Variants in CHD5 observed in about 807,000 individuals in gnomAD.
The protein encoded by CHD5 is chromodomain helicase DNA binding protein 5.
CHD5 carries 69 observed loss-of-function variants against 230.3 expected under a neutral mutation model. That is an observed-to-expected ratio of 0.30 (90% confidence interval 0.25 to 0.37). The LOEUF is 0.37. Among genes scored for constraint, CHD5 ranks in the 10% least tolerant of loss-of-function variants. The pLI is 1.00. For missense variants in CHD5, 1,827 were observed against 2,622.8 expected (o/e 0.70, Z 6.63); for synonymous variants, 1,064 against 1,065.9 (o/e 1.00, Z 0.03).
At position 6,130,444 on chromosome 1, in the gene CHD5, A is replaced by T. The variant is rs1666636838; in HGVS notation, c.3263-116T>A. The T allele has an allele frequency of 4.0e-6, 4 of 1,002,594 alleles. No homozygotes were observed. Among genetic ancestry groups the T allele is most frequent in the Non-Finnish European group, 5.9e-6 (4 of 682,906 alleles). The allele number at this position is 1,002,594 out of a possible 1,614,324, so 62.1% of individuals were successfully genotyped here. ...TGCAGCAACAGATCCCTGGCAGAGA[A>T]GGACAAAGCCGGAGACCCCATCAGA... On this transcript the variant is annotated intron_variant, in intron 21 of 41. Transcript: ENST00000262450. This position sits in a 1 kb window ranked among gnomAD's most constrained non-coding sequence, Gnocchi z 4.9.
At position 6,167,783 on chromosome 1, in the gene CHD5, C is replaced by T. The variant is rs906125715; in HGVS notation, c.207+367G>A. Among the ~76,000 whole-genome samples, 2 of 152,090 alleles carry T rather than the reference C, an allele frequency of 1.3e-5. No individual in the cohort carries two copies. The highest frequency in any genetic ancestry group is 4.8e-5 in the African/African-American group (2 of 41,404). On this transcript the variant is annotated intron_variant, in intron 2 of 41. Transcript: ENST00000262450. This position sits in a 1 kb window ranked among gnomAD's most constrained non-coding sequence, Gnocchi z 4.5. Reference sequence around the variant, plus strand: ...GGGGCCTTGCTTCTCTTCTCCAACTCACTTCATCAGGTTTCAGTTTAGAGG... The same window carrying T: ...GGGGCCTTGCTTCTCTTCTCCAACTTACTTCATCAGGTTTCAGTTTAGAGG...
chr1:6,109,548 G>A lies in CHD5; in HGVS notation c.5578+247C>T, dbSNP rs138140466. On this transcript the variant is annotated intron_variant, in intron 38 of 41. Transcript: ENST00000262450. ...TCGTGGTTTTCTGTGTCACTAGCCCGGGCCGGGGCCCGCACAGAGCAGGCT... is the reference window on the plus strand; with the variant it reads ...TCGTGGTTTTCTGTGTCACTAGCCCAGGCCGGGGCCCGCACAGAGCAGGCT... 2.3e-3 allele frequency among the ~76,000 whole-genome samples: 351 copies of A among 152,314 alleles called. 6 individuals carry two copies. Among genetic ancestry groups the A allele is most frequent in the African/African-American group, 8.2e-3 (341 of 41,566 alleles).
intron 9 of CHD5, among the ~76,000 whole-genome samples, chr1:6,147,285 A>G (rs1477487380): frequency 6.6e-6 from 1 of 152,066 alleles, no homozygotes; most frequent in Non-Finnish European, 1.5e-5. Flanking sequence ...AGGTCACATC[A>G]CTGTGTGATC....
In CHD5 at chr1:6,144,251, C is replaced by G. The variant is rs1666876212; in HGVS notation, c.1803-96G>C. 10 of 1,543,770 alleles carry G rather than the reference C, an allele frequency of 6.5e-6. No individual in the cohort carries two copies. The South Asian group carries it at 1.2e-4, about 18-fold the overall frequency. On this transcript the variant is annotated intron_variant, in intron 11 of 41. Transcript: ENST00000262450. Reference sequence around the variant, plus strand: ...CCCAGGATGCAGAGCCATTCACACCCAGGGTCCCCTCGGATGCTGGGCCCA... The same window carrying G: ...CCCAGGATGCAGAGCCATTCACACCGAGGGTCCCCTCGGATGCTGGGCCCA...
At chr1:6,119,491 C>A (rs766230137) in intron 33 of CHD5, among the ~76,000 whole-genome samples, 9 of 152,124 alleles carry the variant, frequency 5.9e-5, no homozygotes, top group Non-Finnish European at 1.2e-4. Flanking sequence ...ATATTAAAAA[C>A]CTGAACAAAT....
rs981630159 is a variant in CHD5, at chr1:6,129,352, C to CG, written c.3388-284dup. On this transcript the variant is annotated intron_variant, in intron 22 of 41. Coordinates refer to ENST00000262450, the MANE Select transcript of CHD5 (RefSeq NM_015557.3). The surrounding 1 kb of genome is among the most constrained non-coding windows in gnomAD (Gnocchi z 6.8). ...GTGCAAGAGTGTGTGAGGGATGATA[C>CG]GGCCAGTGTGCTGGGTGTAACTGAA... Among the ~76,000 whole-genome samples, 30 of 152,246 alleles carry CG rather than the reference C, an allele frequency of 2.0e-4. No individual in the cohort carries two copies. Among genetic ancestry groups the CG allele is most frequent in the Admixed American group, 2.0e-3 (30 of 15,300 alleles).
chr1:6,106,644 T>C lies in CHD5; in HGVS notation c.5714A>G (p.Asn1905Ser), dbSNP rs1666173576. 1.9e-6 allele frequency: 3 copies of C among 1,599,796 alleles called. No homozygotes were observed. Among genetic ancestry groups the C allele is most frequent in the Non-Finnish European group, 2.6e-6 (3 of 1,173,714 alleles). Residue 1905 changes from asparagine (N) to serine (S), a missense_variant, in exon 39 of 42, where the codon AAC becomes AGC. Asn to Ser is a conservative substitution (Grantham distance 46). Transcript: ENST00000262450. ...CTGGATGGTGGGGTCCCCGGCGCGG[T>C]TGGTCAGGCGGCTCAGGATGCTGCG... The part of the protein sequence containing the change: ...SERSILSRLT[N>S]RAGDPTIQQG...
intron 1 of CHD5, among the ~76,000 whole-genome samples, chr1:6,168,911 C>T (rs1571172779): frequency 6.6e-6 from 1 of 151,424 alleles, no homozygotes; most frequent in Non-Finnish European, 1.5e-5. Context: ...TCCAACTATT[C>T]GGGAGGCTGA....
rs1006893792 is a variant in CHD5, at chr1:6,131,896, C to G, written c.3145-148G>C. 4.9e-6 allele frequency: 3 copies of G among 609,036 alleles called. No homozygotes were observed. Among genetic ancestry groups the G allele is most frequent in the Non-Finnish European group, 8.9e-6 (3 of 336,026 alleles). 37.7% of individuals were successfully genotyped at this position (609,036 alleles called of 1,614,324 possible). A position where few individuals can be genotyped will look rare whatever the true frequency, so the allele number is the denominator to read the frequency against. ...ACCCAGGCAGGCCCAATGCAGGACT[C>G]TGGGGAAGAACAAAGCTTCCAACCT... is the stretch of plus-strand genomic sequence containing the variant. On this transcript the variant is annotated intron_variant, in intron 20 of 41. Transcript: ENST00000262450. This position sits in a 1 kb window ranked among gnomAD's most constrained non-coding sequence, Gnocchi z 5.0.
chr1:6,113,712 C>T (rs530988471), intron 33 of CHD5, among the ~76,000 whole-genome samples: 8 of 152,318 alleles, frequency 5.3e-5, no homozygotes, highest in East Asian at 1.9e-4. Flanking sequence ...CCACTGGCCA[C>T]GGGAGTGAGA....
intron 13 of CHD5, 57 bp downstream of exon 13, chr1:6,143,766 C>T: frequency 6.8e-7 from 1 of 1,480,070 alleles, no homozygotes; most frequent in Admixed American, 1.7e-5. Flanking sequence ...ACATTCAAGT[C>T]TGAGGTGGGC....
chr1:6,115,239 A>AGACTC (rs1293864570), intron 33 of CHD5, among the ~76,000 whole-genome samples: 1 of 149,392 alleles, frequency 6.7e-6, no homozygotes, highest in East Asian at 2.0e-4. Context: ...GGTGGGAGAG[A>AGACTC]GACTCTGTCT....
rs560173913 is a variant in CHD5, at chr1:6,143,941, G to A, written c.1935-10C>T. 1.3e-3 allele frequency: 2,137 copies of A among 1,614,096 alleles called. 40 individuals carry two copies. The South Asian group carries it at 0.022, about 16-fold the overall frequency. On this transcript the variant is annotated splice_polypyrimidine_tract_variant and intron_variant, in intron 12 of 41. Transcript: ENST00000262450. ...TCCCAGCATCAGCTCCCTGGGAAAC[G>A]GCATTGGAGGCAGGTGAGCAAGGCT...
chr1:6,159,541 G>T (rs774478347), intron 2 of CHD5, 26 bp from the exon 3 acceptor site: 2 of 1,578,274 alleles, frequency 1.3e-6, no homozygotes, highest in Non-Finnish European at 1.7e-6. Flanking sequence ...GACAGTGAGG[G>T]CAACAGAGGC....
rs376056857 is a variant in CHD5, at chr1:6,174,879, GGATA to G, written c.79+5062_79+5065del. On this transcript the variant is annotated intron_variant, in intron 1 of 41. Transcript: ENST00000262450. Reference sequence around the variant, plus strand: ...ACGGATGGATGGATGAAAGATGAATGGATAGATGGATGGATAGATGGTGGGTGGG... The same window carrying G: ...ACGGATGGATGGATGAAAGATGAATGGATGGATGGATAGATGGTGGGTGGG... Among the ~76,000 whole-genome samples the G allele has an allele frequency of 3.8e-3, 564 of 148,360 alleles. 5 individuals carry two copies. Among genetic ancestry groups the G allele is most frequent in the African/African-American group, 0.013 (510 of 39,392 alleles).
intron 1 of CHD5, among the ~76,000 whole-genome samples, chr1:6,175,189 T>C (rs948082714): frequency 1.4e-5 from 2 of 143,846 alleles, no homozygotes; most frequent in Admixed American, 1.4e-4. Context: ...GATGAATGAG[T>C]GGTGGATGAA....
Position 6,142,299 on chromosome 1 carries a change from G to A in CHD5, c.2265C>T (p.Ser755=), listed in dbSNP as rs146489516. ...AGTTGATGATGGTGGAGAGGGGCGC[G>A]CTAACCAGGTAGGGCCCTTTGGAGT... ...EGHSKGPYLV[S]APLSTIINWE... The change falls in exon 15 of 42, where the codon AGC becomes AGT. Residue 755 remains serine, a synonymous_variant. Transcript: ENST00000262450. This position sits in a 1 kb window ranked among gnomAD's most constrained non-coding sequence, Gnocchi z 5.2. 28 of 1,612,356 alleles carry A rather than the reference G, an allele frequency of 1.7e-5. No homozygotes were observed. The highest frequency in any genetic ancestry group is 1.7e-4 in the Middle Eastern group (1 of 6,058).
intron 33 of CHD5, among the ~76,000 whole-genome samples, chr1:6,118,527 G>T (rs1666412989): frequency 6.6e-6 from 1 of 152,134 alleles, no homozygotes; most frequent in African/African-American, 2.4e-5. Context: ...GAATAGGCCA[G>T]TCCATAGGAC....
At chr1:6,135,427 A>G in intron 17 of CHD5, 24 bp from the exon 18 acceptor site, 1 of 1,585,036 alleles carries the variant, frequency 6.3e-7, no homozygotes, top group Non-Finnish European at 8.6e-7. Flanking sequence ...CTGGGATAAC[A>G]GCCAGGAGCA....
Sources: gnomAD v4.1 joint callset for allele counts (sites outside exome capture counted in the v4.1 genomes callset) on GRCh38, gnomAD v4.1.1 for gene constraint, Gnocchi (gnomAD v3.1) non-coding constraint, MANE v1.5 for transcripts, NCBI Gene and HGNC (gene_info 2026-07-23, HGNC 2026-07-21) for gene names.